ANKRD30BL: variants seen among roughly 807,000 people sequenced by gnomAD.
The protein encoded by ANKRD30BL is ankyrin repeat domain 30B like, also known as putative ankyrin repeat domain-containing protein 30B-like.
Under a neutral mutation model 18.4 loss-of-function variants are expected in ANKRD30BL, and 20 were observed. That is an observed-to-expected ratio of 1.09 (90% CI 0.77 to 1.58). ANKRD30BL has a LOEUF of 1.58. Ranked by LOEUF, ANKRD30BL falls within the 40% of genes most tolerant of loss-of-function variation. ANKRD30BL has a pLI of 0.00. For missense variants in ANKRD30BL, 224 were observed against 268.6 expected, an observed-to-expected ratio of 0.83 and a Z score of 1.16; for synonymous variants, 72 against 100.9, an observed-to-expected ratio of 0.71 and a Z score of 1.72.
At chr2:132,180,742 A>G (rs1326527252) in intron 1 of ANKRD30BL, among the ~76,000 whole-genome samples, 1 of 152,164 alleles carries the variant, frequency 6.6e-6, no homozygotes. Context: ...ATTATGATAT[A>G]CTCTGTAATG....
chr2:132,225,010 A>T (rs529059837), intron 1 of ANKRD30BL, among the ~76,000 whole-genome samples: 1 of 152,204 alleles, frequency 6.6e-6, no homozygotes, highest in African/African-American at 2.4e-5. Context: ...AAGCATTCTT[A>T]GAAACTTCTG....
At chr2:132,222,559 C>A (rs1022052861) in intron 1 of ANKRD30BL, among the ~76,000 whole-genome samples, 8 of 152,096 alleles carry the variant, frequency 5.3e-5, no homozygotes, top group African/African-American at 1.4e-4. Flanking sequence ...CTCTCTGAAA[C>A]ATGTGCTGTG....
rs552131424 is a variant in ANKRD30BL at position 132,209,961 on chromosome 2, C to A, written n.441+47568G>T. On this transcript the variant is annotated intron_variant and non_coding_transcript_variant, in intron 1 of 4. Transcript: ENST00000470729. The stretch of plus-strand genomic sequence containing the variant: ...TTTGATTGAGCAGTTTTGAAACACT[C>A]TTTTTGTAGAATCTGCGAGTGGATA... 6.0e-4 allele frequency among the ~76,000 whole-genome samples: 91 copies of A among 152,116 alleles called. 2 individuals are homozygous for A. The East Asian group carries it at 0.016, about 27-fold the overall frequency.
intron 1 of ANKRD30BL, among the ~76,000 whole-genome samples, chr2:132,204,568 A>G (rs1213525084): frequency 6.6e-6 from 1 of 152,036 alleles, no homozygotes; most frequent in East Asian, 1.9e-4. Context: ...AAAAAGTCAG[A>G]AAGAATAGTC....
At chr2:132,194,059 A>T (rs1295250612) in intron 1 of ANKRD30BL, among the ~76,000 whole-genome samples, 46 of 150,052 alleles carry the variant, frequency 3.1e-4, no homozygotes, top group Admixed American at 1.1e-3. Context: ...TCTCTCTCAC[A>T]CACACACACA....
At chr2:132,207,195 G>A (rs1308351433) in intron 1 of ANKRD30BL, among the ~76,000 whole-genome samples, 1 of 151,998 alleles carries the variant, frequency 6.6e-6, no homozygotes, top group Non-Finnish European at 1.5e-5. Context: ...AGCCGCTTAA[G>A]ATCATAAATA....
Position 132,201,902 on chromosome 2 carries a change from A to T in ANKRD30BL, n.442-44756T>A, listed in dbSNP as rs531648385. On this transcript the variant is annotated intron_variant and non_coding_transcript_variant, in intron 1 of 4. Coordinates refer to the ANKRD30BL transcript ENST00000470729. ...GACTTGGAACCAACCCAAATGTCCA[A>T]TAATGATAGACTGGATTAAGAAAAT... Among the ~76,000 whole-genome samples, 6 of 152,368 alleles carry T rather than the reference A, an allele frequency of 3.9e-5. No homozygotes were observed. In the East Asian group the frequency reaches 1.2e-3, roughly 29 times the overall value.
chr2:132,207,760 G>A (rs1424308698), intron 1 of ANKRD30BL, among the ~76,000 whole-genome samples: 1 of 152,114 alleles, frequency 6.6e-6, no homozygotes, highest in Non-Finnish European at 1.5e-5. Context: ...AAAGAAGGGT[G>A]GGAGTGTGTC....
intron 1 of ANKRD30BL, among the ~76,000 whole-genome samples, chr2:132,180,142 C>T (rs1688437033): frequency 6.6e-6 from 1 of 152,020 alleles, no homozygotes. Flanking sequence ...CATATTCACT[C>T]ACCACTCACT....
intron 1 of ANKRD30BL, among the ~76,000 whole-genome samples, chr2:132,200,109 A>G (rs373045254): frequency 6.6e-6 from 1 of 151,820 alleles, no homozygotes; most frequent in East Asian, 1.9e-4. Flanking sequence ...CATGCTAAAA[A>G]CTCTCAATAA....
At chr2:132,190,365 A>G (rs1412135146) in intron 1 of ANKRD30BL, among the ~76,000 whole-genome samples, 6 of 151,680 alleles carry the variant, frequency 4.0e-5, no homozygotes, top group Admixed American at 3.9e-4. Context: ...CATGTTTTCC[A>G]AAAGCTAGAA....
chr2:132,161,371 C>T, intron 1 of ANKRD30BL, 117 bp downstream of exon 1: 3 of 1,049,372 alleles, frequency 2.9e-6, no homozygotes, highest in Non-Finnish European at 4.1e-6. Context: ...CCCCGCTGCC[C>T]GCCACTCCTC....
At chr2:132,162,336 C>T (rs1573808028), upstream of ANKRD30BL, among the ~76,000 whole-genome samples, 1 of 152,200 alleles carries the variant, frequency 6.6e-6, no homozygotes, top group African/African-American at 2.4e-5. Context: ...GCCTCTCCTG[C>T]CACGTGCCAT....
chr2:132,235,922 T>G (rs1432431455), intron 1 of ANKRD30BL, among the ~76,000 whole-genome samples: 1 of 152,104 alleles, frequency 6.6e-6, no homozygotes, highest in Admixed American at 6.6e-5. Context: ...GGCATCACAC[T>G]ACCTGACTTC....
In ANKRD30BL at chr2:132,147,845, C is replaced by T; in HGVS notation, c.*286G>A. 2 of 365,880 alleles carry T rather than the reference C, an allele frequency of 5.5e-6. No individual in the cohort carries two copies. Among genetic ancestry groups the T allele is most frequent in the South Asian group, 5.8e-5 (2 of 34,230 alleles). 22.7% of individuals were successfully genotyped at this position (365,880 alleles called of 1,614,324 possible). Reference sequence around the variant, plus strand: ...TTCAGCGGGAAAGACAGTTACAGAGCAGGTGTCTAAGGATGACTAAGGACA... The same window carrying T: ...TTCAGCGGGAAAGACAGTTACAGAGTAGGTGTCTAAGGATGACTAAGGACA... On this transcript the variant is annotated 3_prime_UTR_variant, in exon 6 of 6. Coordinates refer to ENST00000409867, the MANE Select transcript of ANKRD30BL (RefSeq NM_001358416.1).
intron 1 of ANKRD30BL, among the ~76,000 whole-genome samples, chr2:132,223,917 T>C (rs1679767955): frequency 2.0e-5 from 3 of 152,054 alleles, no homozygotes; most frequent in Admixed American, 1.3e-4. Flanking sequence ...AATCTGCAAG[T>C]GGATATTTGG....
At chr2:132,148,768 T>C (rs1687682118) in intron 5 of ANKRD30BL, among the ~76,000 whole-genome samples, 2 of 151,964 alleles carry the variant, frequency 1.3e-5, no homozygotes, top group Non-Finnish European at 2.9e-5. Context: ...AATTATAAGC[T>C]CCCAAAGGGG....
intron 1 of ANKRD30BL, among the ~76,000 whole-genome samples, chr2:132,173,581 A>G (rs1007289764): frequency 4.6e-5 from 7 of 151,932 alleles, no homozygotes; most frequent in African/African-American, 1.7e-4. Context: ...ACAGGTGTGC[A>G]TCGCTCCTGG....
chr2:132,196,696 G>T (rs1678975774), intron 1 of ANKRD30BL, among the ~76,000 whole-genome samples: 1 of 151,902 alleles, frequency 6.6e-6, no homozygotes, highest in Non-Finnish European at 1.5e-5. Context: ...TGAAGCAGGA[G>T]AGGAGGCTGA....
Sources: allele counts gnomAD v4.1 joint callset (sites outside exome capture counted in the v4.1 genomes callset), GRCh38; gene constraint gnomAD v4.1.1; transcripts MANE v1.5; gene names NCBI Gene and HGNC (gene_info 2026-07-23, HGNC 2026-07-21).